ZPBP: variants seen among roughly 807,000 people sequenced by gnomAD.
ZPBP encodes the protein zona pellucida binding protein.
Under a neutral mutation model 44.8 loss-of-function variants are expected in ZPBP, and 26 were observed. That is an observed-to-expected ratio of 0.58 (90% CI 0.43 to 0.81). The LOEUF (loss-of-function observed/expected upper bound fraction) is 0.81, where lower values mean the gene tolerates loss of function less well. Among genes scored for constraint, ZPBP ranks in the 30% least tolerant of loss-of-function variants. ZPBP has a pLI of 0.00. For synonymous variants in ZPBP, 174 were observed against 153.2 expected, an observed-to-expected ratio of 1.14 and a Z score of -1.00; for missense variants, 409 against 434.0, an observed-to-expected ratio of 0.94 and a Z score of 0.51.
At chr7:49,954,202 T>A (rs1226910614) in intron 7 of ZPBP, among the ~76,000 whole-genome samples, 2 of 152,110 alleles carry the variant, frequency 1.3e-5, no homozygotes, top group East Asian at 3.8e-4. Flanking sequence ...GAAATACTAG[T>A]CTCTTCCACA....
intron 4 of ZPBP, among the ~76,000 whole-genome samples, chr7:50,041,412 C>T (rs536591132): frequency 1.1e-4 from 16 of 152,260 alleles, no homozygotes; most frequent in East Asian, 7.7e-4. Flanking sequence ...AGGAGAGCTC[C>T]GGCTGGCATC....
chr7:49,966,885 T>C (rs1171923299), intron 7 of ZPBP, among the ~76,000 whole-genome samples: 1 of 152,056 alleles, frequency 6.6e-6, no homozygotes, highest in Non-Finnish European at 1.5e-5. Flanking sequence ...TCCCATGGCA[T>C]ACACAGGAGA....
At chr7:49,909,918 A>T (rs1452214647) in intron 1 of ZPBP, among the ~76,000 whole-genome samples, 1 of 151,990 alleles carries the variant, frequency 6.6e-6, no homozygotes, top group Non-Finnish European at 1.5e-5. Context: ...AGCCTGGGCA[A>T]CATAGAAAGA....
chr7:50,090,540 T>A (rs1802916491), intron 1 of ZPBP, among the ~76,000 whole-genome samples: 1 of 151,416 alleles, frequency 6.6e-6, no homozygotes, highest in African/African-American at 2.4e-5. Context: ...TATGTGTGTA[T>A]ATATGTGTGC....
At chr7:49,877,308 A>G (rs2128725489) in intron 2 of ZPBP, among the ~76,000 whole-genome samples, 1 of 150,500 alleles carries the variant, frequency 6.6e-6, no homozygotes, top group East Asian at 2.0e-4. Context: ...CTAAAAATAC[A>G]AAAATTAGCT....
intron 7 of ZPBP, among the ~76,000 whole-genome samples, chr7:49,982,354 T>C (rs1378327332): frequency 2.3e-5 from 3 of 128,598 alleles, no homozygotes; most frequent in East Asian, 2.1e-4. Flanking sequence ...AATATATAAT[T>C]ATATATAATA....
At chr7:49,876,643 CTTG>C (rs1791423875) in intron 2 of ZPBP, among the ~76,000 whole-genome samples, 1 of 152,040 alleles carries the variant, frequency 6.6e-6, no homozygotes, top group African/African-American at 2.4e-5. Flanking sequence ...GAAGAATTGC[CTTG>C]TTGTTTTTTA....
intron 2 of ZPBP, among the ~76,000 whole-genome samples, chr7:49,877,672 G>C (rs1200428545): frequency 6.7e-6 from 1 of 149,210 alleles, no homozygotes; most frequent in Non-Finnish European, 1.5e-5. Context: ...GGTACCCCGA[G>C]AGTCATGAAC....
At chr7:50,068,209 T>C in intron 3 of ZPBP, among the ~76,000 whole-genome samples, 1 of 152,184 alleles carries the variant, frequency 6.6e-6, no homozygotes, top group East Asian at 1.9e-4. Flanking sequence ...TTGCTGCCCT[T>C]AGGGACTCTC....
intron 4 of ZPBP, among the ~76,000 whole-genome samples, chr7:50,046,689 T>G (rs1800384386): frequency 3.3e-5 from 5 of 152,168 alleles, no homozygotes; most frequent in Admixed American, 3.3e-4. Flanking sequence ...ACTTTTACAC[T>G]GTTGGTGGGA....
intron 2 of ZPBP, among the ~76,000 whole-genome samples, chr7:49,858,503 A>G (rs1790515658): frequency 6.8e-6 from 1 of 147,268 alleles, no homozygotes. Flanking sequence ...GGAATTGAAC[A>G]ATGACAACAC....
chr7:50,027,820 A>T (rs1406239887), intron 5 of ZPBP, among the ~76,000 whole-genome samples: 1 of 151,952 alleles, frequency 6.6e-6, no homozygotes, highest in Non-Finnish European at 1.5e-5. Flanking sequence ...ACCTAAATGA[A>T]ATAAATCGCT....
At chr7:50,084,510 G>A (rs1802530990) in intron 2 of ZPBP, among the ~76,000 whole-genome samples, 2 of 151,790 alleles carry the variant, frequency 1.3e-5, no homozygotes, top group Admixed American at 6.6e-5. Context: ...TGTAAAAGGC[G>A]AACGAGTTAA....
intron 4 of ZPBP, among the ~76,000 whole-genome samples, chr7:50,047,616 GACTGAGTATAGC>G (rs2128822118): frequency 6.7e-6 from 1 of 149,998 alleles, no homozygotes; most frequent in Non-Finnish European, 1.5e-5. Flanking sequence ...TAAAACTAGG[GACTGAGTATAGC>G]ACTCTGCTCA....
chr7:49,870,730 A>G (rs1309845611), intron 2 of ZPBP, among the ~76,000 whole-genome samples: 1 of 152,252 alleles, frequency 6.6e-6, no homozygotes, highest in Non-Finnish European at 1.5e-5. Context: ...GTTTCTCCTC[A>G]CTAATCCACA....
intron 4 of ZPBP, among the ~76,000 whole-genome samples, chr7:50,057,021 C>T (rs201834244): frequency 2.0e-5 from 3 of 151,548 alleles, no homozygotes; most frequent in African/African-American, 7.3e-5. Flanking sequence ...CCATCTCTAC[C>T]AAAAATACAA....
chr7:49,923,681 T>C (rs1794120008), intron 1 of ZPBP, among the ~76,000 whole-genome samples: 1 of 152,228 alleles, frequency 6.6e-6, no homozygotes, highest in African/African-American at 2.4e-5. Flanking sequence ...TTCTTGTTTT[T>C]TTATTGCTTC....
chr7:49,981,290 AT>A (rs1796864688), intron 7 of ZPBP, among the ~76,000 whole-genome samples: 1 of 60,324 alleles, frequency 1.7e-5, no homozygotes, highest in African/African-American at 5.1e-5. Context: ...ATATTATATA[AT>A]ATATATTATA....
chr7:49,958,873 C>A (rs559519910), intron 7 of ZPBP, among the ~76,000 whole-genome samples: 11 of 152,110 alleles, frequency 7.2e-5, no homozygotes, highest in Middle Eastern at 3.4e-3. Flanking sequence ...TTTTATAATG[C>A]CAGCATAACC....
Sources: allele counts gnomAD v4.1 joint callset (sites outside exome capture counted in the v4.1 genomes callset), GRCh38; gene constraint gnomAD v4.1.1; transcripts MANE v1.5; gene names NCBI Gene and HGNC (gene_info 2026-07-23, HGNC 2026-07-21).